Variants in HERC1 observed in about 807,000 individuals in gnomAD.
HERC1 encodes probable E3 ubiquitin-protein ligase HERC1.
In HERC1, 160 loss-of-function variants were observed where a neutral mutation model predicts 554.3. That is an observed-to-expected ratio of 0.29 (90% CI 0.25 to 0.33). HERC1 has a LOEUF of 0.33. Ranked by LOEUF, HERC1 falls within the 10% of genes least tolerant of loss-of-function variation. HERC1 has a pLI of 1.00. For synonymous variants in HERC1, 2,175 were observed against 2,131.7 expected (o/e 1.02, Z -0.56); for missense variants, 4,919 against 5,918.5 (o/e 0.83, Z 5.54).
At chr15:63,642,398 C>T (rs867705961) in intron 59 of HERC1, among the ~76,000 whole-genome samples, 1 of 152,116 alleles carries the variant, frequency 6.6e-6, no homozygotes, top group Non-Finnish European at 1.5e-5. Context: ...AGTACAATGG[C>T]GCAGTCTCGG....
chr15:63,809,866 G>A (rs1343073929), intron 1 of HERC1, among the ~76,000 whole-genome samples: 1 of 151,450 alleles, frequency 6.6e-6, no homozygotes, highest in Non-Finnish European at 1.5e-5. Flanking sequence ...TTAAAATAGA[G>A]ATAAGGTCTC....
rs573013733 is a variant in HERC1, at chr15:63,708,166, C to T, written c.4585-1335G>A. Among the ~76,000 whole-genome samples the T allele has an allele frequency of 5.3e-5, 8 of 152,284 alleles. No homozygotes were observed. In the South Asian group the frequency reaches 1.7e-3, roughly 32 times the overall value. On this transcript the variant is annotated intron_variant, in intron 24 of 77. Transcript: ENST00000443617. ...CATCATAAAGCTCCTCAAGGCATCA[C>T]TGTGTCAGGCAATAAAACATTTTCA...
At chr15:63,813,385 A>G (rs2077393997) in intron 1 of HERC1, among the ~76,000 whole-genome samples, 2 of 151,974 alleles carry the variant, frequency 1.3e-5, no homozygotes, top group Admixed American at 1.3e-4. Context: ...GAGCCCATAC[A>G]TAGATTACTC....
At chr15:63,765,081 T>TC (rs1239773509) in intron 2 of HERC1, among the ~76,000 whole-genome samples, 1 of 152,140 alleles carries the variant, frequency 6.6e-6, no homozygotes, top group Non-Finnish European at 1.5e-5. Context: ...TTCCTTTTGT[T>TC]CCGAAGCAGA....
At chr15:63,660,202 C>T (rs2070279694) in intron 46 of HERC1, among the ~76,000 whole-genome samples, 1 of 152,072 alleles carries the variant, frequency 6.6e-6, no homozygotes, top group Non-Finnish European at 1.5e-5. Context: ...TGCCTGTAAT[C>T]CCAGCTACTC....
chr15:63,645,273 A>G (rs963063558), intron 56 of HERC1, among the ~76,000 whole-genome samples, 176 bp from the exon 57 acceptor site: 2 of 152,214 alleles, frequency 1.3e-5, no homozygotes, highest in African/African-American at 2.4e-5. Context: ...TAACAACATC[A>G]CACCCAGAGA....
chr15:63,624,999 T>C (rs1384247142), intron 71 of HERC1, among the ~76,000 whole-genome samples: 1 of 152,182 alleles, frequency 6.6e-6, no homozygotes, highest in Non-Finnish European at 1.5e-5. Context: ...GAGCTGCCTT[T>C]CTCAGTTAAC....
At chr15:63,665,890 G>C (rs765739868) in intron 42 of HERC1, 29 bp downstream of exon 42, 37 of 1,546,474 alleles carry the variant, frequency 2.4e-5, no homozygotes, top group Non-Finnish European at 3.3e-5. Context: ...ATAACACATG[G>C]AACAAAAGTA....
At chr15:63,716,773 T>C (rs2140329846) in intron 21 of HERC1, among the ~76,000 whole-genome samples, 1 of 152,302 alleles carries the variant, frequency 6.6e-6, no homozygotes, top group East Asian at 1.9e-4. Context: ...AGCTGCAACT[T>C]AGTAAGTTGT....
intron 1 of HERC1, among the ~76,000 whole-genome samples, chr15:63,785,630 A>C (rs11854292): frequency 0.81 from 123,452 of 151,902 alleles, 52,016 homozygotes; most frequent in Non-Finnish European, 0.87. Flanking sequence ...ATTAGCCAGG[A>C]ATGGTGGCGC....
At chr15:63,829,444 A>ATG (rs35693299) in intron 1 of HERC1, among the ~76,000 whole-genome samples, 56,361 of 131,234 alleles carry the variant, frequency 0.43, 13,389 homozygotes, top group Non-Finnish European at 0.51. Flanking sequence ...AAACGTCAGT[A>ATG]TGTGTGTGTG....
chr15:63,620,396 G>T (rs1366663984), intron 74 of HERC1, among the ~76,000 whole-genome samples: 2 of 151,884 alleles, frequency 1.3e-5, no homozygotes, highest in Admixed American at 6.5e-5. Context: ...CATTTGCTGA[G>T]GAGTGCTTTA....
intron 1 of HERC1, among the ~76,000 whole-genome samples, chr15:63,827,018 C>T (rs541238171): frequency 6.6e-4 from 100 of 151,664 alleles, no homozygotes; most frequent in South Asian, 5.2e-3. Flanking sequence ...ACGGTTCTAA[C>T]GATACCAAAA....
chr15:63,695,679 C>T (rs536503434), intron 27 of HERC1, among the ~76,000 whole-genome samples: 58 of 152,282 alleles, frequency 3.8e-4, no homozygotes, highest in Admixed American at 8.5e-4. Context: ...TGAGCCACCA[C>T]GCCCGGCCGA....
intron 1 of HERC1, among the ~76,000 whole-genome samples, chr15:63,824,343 C>T (rs933367217): frequency 2.0e-5 from 3 of 151,928 alleles, no homozygotes; most frequent in African/African-American, 2.4e-5. Flanking sequence ...ACCATCCTGG[C>T]TAACACAGTG....
chr15:63,621,794 C>A (rs891571248), intron 74 of HERC1, among the ~76,000 whole-genome samples: 22 of 152,168 alleles, frequency 1.4e-4, no homozygotes, highest in Admixed American at 1.4e-3. Context: ...GTTACTGAGG[C>A]TTGTGCATTC....
intron 25 of HERC1, among the ~76,000 whole-genome samples, chr15:63,700,520 C>T (rs754385714): frequency 4.6e-5 from 7 of 151,600 alleles, no homozygotes; most frequent in Non-Finnish European, 7.4e-5. Context: ...TTTCAAAATT[C>T]GTAACACGGA....
intron 10 of HERC1, among the ~76,000 whole-genome samples, chr15:63,748,731 CCT>C (rs1218358864): frequency 2.0e-5 from 3 of 151,662 alleles, no homozygotes; most frequent in Non-Finnish European, 2.9e-5. Flanking sequence ...ATTTTAAAAC[CCT>C]GAGTCAAAGG....
chr15:63,644,941 T>A, intron 57 of HERC1, 51 bp downstream of exon 57: 1 of 1,333,720 alleles, frequency 7.5e-7, no homozygotes, highest in Non-Finnish European at 1.1e-6. Context: ...GACTCTGATG[T>A]CATATACTTT....
Sources: allele counts gnomAD v4.1 joint callset (sites outside exome capture counted in the v4.1 genomes callset), GRCh38; gene constraint gnomAD v4.1.1; transcripts MANE v1.5; gene names NCBI Gene and HGNC (gene_info 2026-07-23, HGNC 2026-07-21).